Variants in AGBL1 observed in about 807,000 individuals in gnomAD.
The protein encoded by AGBL1 is cytosolic carboxypeptidase 4.
In AGBL1, 130 loss-of-function variants were observed where a neutral mutation model predicts 118.9. The observed-to-expected ratio is 1.09, with a 90% CI of 0.95 to 1.26. The LOEUF is 1.26. AGBL1 is among the 50% of genes most tolerant of loss of function. AGBL1 has a pLI of 0.00. For synonymous variants in AGBL1, 555 were observed against 478.9 expected (o/e 1.16, Z -2.08); for missense variants, 1,584 against 1,298.1 (o/e 1.22, Z -3.38).
intron 22 of AGBL1, among the ~76,000 whole-genome samples, chr15:86,761,309 C>A (rs1989617): frequency 0.48 from 72,158 of 151,828 alleles, 17,459 homozygotes; most frequent in East Asian, 0.58. Flanking sequence ...TAATTTGCAC[C>A]ACTGCACTCC....
intron 18 of AGBL1, among the ~76,000 whole-genome samples, chr15:86,419,155 G>A (rs917255219): frequency 6.6e-6 from 1 of 151,808 alleles, no homozygotes; most frequent in Non-Finnish European, 1.5e-5. Context: ...GGCAAAATTT[G>A]GGGGGTGGCT....
chr15:86,147,496 C>A (rs2077048653), intron 3 of AGBL1, among the ~76,000 whole-genome samples: 1 of 152,206 alleles, frequency 6.6e-6, no homozygotes, highest in Non-Finnish European at 1.5e-5. Flanking sequence ...ACCCACGGAG[C>A]CTTGCTCACT....
chr15:86,459,843 C>T (rs149821084), intron 18 of AGBL1, among the ~76,000 whole-genome samples: 49 of 152,182 alleles, frequency 3.2e-4, no homozygotes, highest in South Asian at 2.9e-3. Flanking sequence ...TATTGCCCAA[C>T]GGGTACAGCT....
chr15:86,336,693 C>T (rs1439932992), intron 17 of AGBL1, among the ~76,000 whole-genome samples: 2 of 152,198 alleles, frequency 1.3e-5, no homozygotes, highest in Admixed American at 6.5e-5. Context: ...GCAAGCAAGA[C>T]ACTGCCCATT....
intron 17 of AGBL1, among the ~76,000 whole-genome samples, chr15:86,306,807 C>T (rs1247797557): frequency 6.6e-6 from 1 of 152,182 alleles, no homozygotes; most frequent in African/African-American, 2.4e-5. Flanking sequence ...TCCCTTTTCT[C>T]CATACTCTCA....
At chr15:86,410,341 C>T (rs867677998) in intron 18 of AGBL1, among the ~76,000 whole-genome samples, 32 of 152,192 alleles carry the variant, frequency 2.1e-4, no homozygotes, top group African/African-American at 3.1e-4. Flanking sequence ...CCTTCATTCT[C>T]CCTGGCTTTT....
intron 18 of AGBL1, among the ~76,000 whole-genome samples, chr15:86,412,266 A>G (rs1223194364): frequency 5.9e-5 from 9 of 152,210 alleles, no homozygotes; most frequent in Non-Finnish European, 1.0e-4. Context: ...GTGCTGACCA[A>G]TCTTAGAGTT....
intron 21 of AGBL1, among the ~76,000 whole-genome samples, chr15:86,653,675 A>G (rs990732507): frequency 2.6e-5 from 4 of 152,144 alleles, no homozygotes; most frequent in Admixed American, 1.3e-4. Context: ...GGCTGTCTCC[A>G]CTCCCAAATG....
chr15:86,457,988 A>G (rs2082281448), intron 18 of AGBL1, among the ~76,000 whole-genome samples: 1 of 152,294 alleles, frequency 6.6e-6, no homozygotes, highest in Admixed American at 6.5e-5. Flanking sequence ...CTGACGGAAT[A>G]AAAGTGAAGA....
intron 4 of AGBL1, among the ~76,000 whole-genome samples, chr15:86,156,315 G>A (rs1471450008): frequency 2.0e-5 from 3 of 152,148 alleles, no homozygotes; most frequent in African/African-American, 7.2e-5. Flanking sequence ...ATGGCTGGCT[G>A]CTCCCTGTGT....
chr15:86,302,703 C>A, intron 17 of AGBL1, among the ~76,000 whole-genome samples: 1 of 149,350 alleles, frequency 6.7e-6, no homozygotes, highest in African/African-American at 2.5e-5. Flanking sequence ...TGCTTGATCC[C>A]AGGAGGTGGA....
intron 21 of AGBL1, among the ~76,000 whole-genome samples, chr15:86,581,038 C>T (rs1288430050): frequency 6.6e-6 from 1 of 152,062 alleles, no homozygotes; most frequent in African/African-American, 2.4e-5. Context: ...TCACTCACTC[C>T]AATACTTTGA....
At chr15:86,395,007 G>A (rs550483647) in intron 17 of AGBL1, among the ~76,000 whole-genome samples, 4 of 152,186 alleles carry the variant, frequency 2.6e-5, no homozygotes, top group East Asian at 1.9e-4. Flanking sequence ...GCAGGTGACC[G>A]GCAGTTTGTG....
intron 18 of AGBL1, among the ~76,000 whole-genome samples, chr15:86,501,502 A>G (rs1234128438): frequency 6.6e-6 from 1 of 151,516 alleles, no homozygotes; most frequent in Non-Finnish European, 1.5e-5. Context: ...TTTTGATGTT[A>G]TATCTAAGAA....
intron 22 of AGBL1, among the ~76,000 whole-genome samples, chr15:86,852,189 G>A (rs1032741223): frequency 6.6e-6 from 1 of 152,142 alleles, no homozygotes; most frequent in Non-Finnish European, 1.5e-5. Context: ...GGTGGAAGGG[G>A]AAGCAGGCAC....
intron 17 of AGBL1, among the ~76,000 whole-genome samples, chr15:86,311,117 C>A (rs975541386): frequency 4.6e-5 from 7 of 152,126 alleles, no homozygotes; most frequent in African/African-American, 1.7e-4. Context: ...GGCTTCGACG[C>A]TTGCTTATTT....
At chr15:86,932,351 G>T (rs911284670) in intron 23 of AGBL1, among the ~76,000 whole-genome samples, 1 of 152,208 alleles carries the variant, frequency 6.6e-6, no homozygotes, top group African/African-American at 2.4e-5. Context: ...TGGAGAAGGG[G>T]TGTTCAGGCA....
At chr15:86,235,822 C>T (rs575728735) in intron 6 of AGBL1, among the ~76,000 whole-genome samples, 144 of 152,332 alleles carry the variant, frequency 9.5e-4, no homozygotes, top group Non-Finnish European at 1.7e-3. Flanking sequence ...GTTGTCACAT[C>T]TGTGGTGGGA....
chr15:86,980,554 C>G (rs1320707811), intron 23 of AGBL1, among the ~76,000 whole-genome samples: 8 of 152,064 alleles, frequency 5.3e-5, no homozygotes, highest in African/African-American at 9.7e-5. Context: ...CTAAGAAAAT[C>G]GTAAACTTCT....
Sources: allele counts gnomAD v4.1 joint callset (sites outside exome capture counted in the v4.1 genomes callset), GRCh38; gene constraint gnomAD v4.1.1; transcripts MANE v1.5; gene names NCBI Gene and HGNC (gene_info 2026-07-23, HGNC 2026-07-21).